DACH2: variants seen among roughly 807,000 people sequenced by gnomAD.
DACH2 encodes the protein dachshund homolog 2.
In DACH2, 17 loss-of-function variants were observed where a neutral mutation model predicts 35.8. The observed-to-expected ratio is 0.48, with a 90% CI of 0.33 to 0.71. The LOEUF (loss-of-function observed/expected upper bound fraction) is 0.71, where lower values mean the gene tolerates loss of function less well. Among genes scored for constraint, DACH2 ranks in the 30% least tolerant of loss-of-function variants. The pLI is 0.02. For missense variants in DACH2, 469 were observed against 472.7 expected, an observed-to-expected ratio of 0.99 and a Z score of 0.07; for synonymous variants, 195 against 177.3, an observed-to-expected ratio of 1.10 and a Z score of -0.79.
At chrX:86,813,561 G>T (rs149138446) in intron 9 of DACH2, among the ~76,000 whole-genome samples, 6,437 of 107,368 alleles carry the variant, frequency 0.06, 210 homozygotes, top group East Asian at 0.098. Context: ...GCAGTAAGCC[G>T]AAATTGTGCC....
intron 7 of DACH2, among the ~76,000 whole-genome samples, chrX:86,751,441 C>G (rs1244966054): frequency 9.0e-6 from 1 of 111,064 alleles, no homozygotes; most frequent in African/African-American, 3.3e-5. Context: ...TCAACAGAGG[C>G]AGAAAAGGCT....
At chrX:86,444,931 A>C (rs1206446639) in intron 2 of DACH2, among the ~76,000 whole-genome samples, 1 of 111,430 alleles carries the variant, frequency 9.0e-6, no homozygotes, top group African/African-American at 3.3e-5. Context: ...AAGTTTAAAA[A>C]ATAGAAAGAT....
Position 86,753,919 on chromosome X carries a change from A to G in DACH2, c.1240+14037A>G, listed in dbSNP as rs150703164. On this transcript the variant is annotated intron_variant, in intron 7 of 11. Transcript: ENST00000373125. The stretch of plus-strand genomic sequence containing the variant: ...CCTGTATTTGAGGCCCTTAAACTGA[A>G]CCAAATATGAGCTCACAATAAAAAA... Among the ~76,000 whole-genome samples the G allele has an allele frequency of 5.5e-3, 552 of 100,844 alleles. 3 individuals are homozygous for G. The highest frequency in any genetic ancestry group is 0.019 in the African/African-American group (524 of 27,779). 87.6% of individuals were successfully genotyped at this position (100,844 alleles called of 115,157 possible). A position where few individuals can be genotyped will look rare whatever the true frequency, so the allele number is the denominator to read the frequency against.
intron 1 of DACH2, among the ~76,000 whole-genome samples, chrX:86,298,230 T>C (rs1466291420): frequency 8.9e-6 from 1 of 111,896 alleles, no homozygotes; most frequent in Non-Finnish European, 1.9e-5. Context: ...AAATGATATA[T>C]TTCCATAATT....
chrX:86,246,446 C>A (rs1169107018), intron 1 of DACH2, among the ~76,000 whole-genome samples: 1 of 111,808 alleles, frequency 8.9e-6, no homozygotes, highest in African/African-American at 3.2e-5. Context: ...AAAGTGAACT[C>A]TATCAGGCTA....
intron 2 of DACH2, among the ~76,000 whole-genome samples, chrX:86,434,466 T>C (rs1275484483): frequency 8.9e-6 from 1 of 112,384 alleles, no homozygotes; most frequent in Non-Finnish European, 1.9e-5. Flanking sequence ...TTCACTTCTC[T>C]TGATGGCTCA....
At chrX:86,237,462 A>C (rs898143018) in intron 1 of DACH2, among the ~76,000 whole-genome samples, 1 of 111,459 alleles carries the variant, frequency 9.0e-6, no homozygotes, top group Non-Finnish European at 1.9e-5. Flanking sequence ...CACGTGAGTA[A>C]TGTATTAAAT....
At chrX:86,531,590 T>A (rs1298182036) in intron 3 of DACH2, among the ~76,000 whole-genome samples, 1 of 112,607 alleles carries the variant, frequency 8.9e-6, no homozygotes, top group Non-Finnish European at 1.9e-5. Flanking sequence ...AGAGTTAAGG[T>A]TTCAGAACTT....
chrX:86,157,261 A>G (rs1351448396), intron 1 of DACH2, among the ~76,000 whole-genome samples: 1 of 111,875 alleles, frequency 8.9e-6, no homozygotes, highest in African/African-American at 3.2e-5. Flanking sequence ...ACAAAGGTAT[A>G]TAGCATTCGA....
intron 3 of DACH2, among the ~76,000 whole-genome samples, chrX:86,543,005 T>C: frequency 8.9e-6 from 1 of 112,147 alleles, no homozygotes; most frequent in Non-Finnish European, 1.9e-5. Flanking sequence ...GGAAAGGACA[T>C]TTGAACAGAG....
intron 1 of DACH2, among the ~76,000 whole-genome samples, chrX:86,225,674 A>G (rs1321206094): frequency 9.0e-6 from 1 of 111,160 alleles, no homozygotes; most frequent in East Asian, 2.8e-4. Context: ...CTTGATAACA[A>G]CAGTCTTCCT....
chrX:86,335,991 C>T (rs373769138), intron 1 of DACH2, among the ~76,000 whole-genome samples: 1 of 112,019 alleles, frequency 8.9e-6, no homozygotes, highest in Middle Eastern at 4.6e-3. Context: ...GCTTTTTCTG[C>T]ATCTATTGAG....
At chrX:86,627,116 T>C (rs2040147322) in intron 3 of DACH2, among the ~76,000 whole-genome samples, 2 of 112,206 alleles carry the variant, frequency 1.8e-5, no homozygotes, top group South Asian at 7.4e-4. Flanking sequence ...TGTGAATACA[T>C]AAAACTGAAT....
rs1384453964 is a variant in DACH2 at position 86,392,797 on chromosome X, A to G, written c.527+15935A>G. Among the ~76,000 whole-genome samples the G allele has an allele frequency of 3.6e-5, 4 of 111,734 alleles. No homozygotes were observed. In the Admixed American group the frequency reaches 3.8e-4, roughly 11 times the overall value. On this transcript the variant is annotated intron_variant, in intron 2 of 11. Transcript: ENST00000373125. ...GAATTAGTCCTTCCTTAACAGTGCT[A>G]CACACGCTGCCCCTCTTGCTCTTAG...
chrX:86,632,594 G>A (rs1260491114), intron 3 of DACH2, among the ~76,000 whole-genome samples: 1 of 110,374 alleles, frequency 9.1e-6, no homozygotes, highest in Admixed American at 9.8e-5. Flanking sequence ...AATACACAAT[G>A]GGGACAAGGT....
At chrX:86,691,360 T>C (rs1299022748) in intron 4 of DACH2, among the ~76,000 whole-genome samples, 1 of 111,744 alleles carries the variant, frequency 8.9e-6, no homozygotes, top group Non-Finnish European at 1.9e-5. Context: ...CTAACTCTAT[T>C]GCTTGTAACT....
At chrX:86,679,939 T>C (rs2040862315) in intron 4 of DACH2, among the ~76,000 whole-genome samples, 1 of 111,259 alleles carries the variant, frequency 9.0e-6, no homozygotes, top group East Asian at 2.8e-4. Context: ...TTCGGGCTTG[T>C]ATGTGAAAGA....
intron 7 of DACH2, among the ~76,000 whole-genome samples, chrX:86,756,469 C>T (rs1428509203): frequency 2.0e-5 from 2 of 98,024 alleles, no homozygotes; most frequent in Non-Finnish European, 4.0e-5. Context: ...AAATTTACTC[C>T]TAGGTTTTTT....
intron 2 of DACH2, among the ~76,000 whole-genome samples, chrX:86,433,379 T>A (rs183360708): frequency 5.4e-4 from 60 of 111,877 alleles, no homozygotes; most frequent in Admixed American, 5.0e-3. Context: ...TTTGATAAAT[T>A]TAATGGGTGC....
Sources: gnomAD v4.1 joint callset for allele counts (sites outside exome capture counted in the v4.1 genomes callset) on GRCh38, gnomAD v4.1.1 for gene constraint, MANE v1.5 for transcripts, NCBI Gene and HGNC (gene_info 2026-07-23, HGNC 2026-07-21) for gene names.